Variants in DNAAF9 observed in about 807,000 individuals in gnomAD.
The protein encoded by DNAAF9 is dynein axonemal assembly factor 9, also known as shulin.
DNAAF9 carries 90 observed loss-of-function variants against 167.0 expected under a neutral mutation model. The ratio of observed to expected loss-of-function variants is 0.54; its 90% CI spans 0.45 to 0.64. DNAAF9 has a LOEUF of 0.64. Ranked by LOEUF, DNAAF9 falls within the 30% of genes least tolerant of loss-of-function variation. The probability of loss-of-function intolerance (pLI) is 0.00; values close to 1 mark genes in which losing one functional copy is unlikely to be tolerated. For missense variants in DNAAF9, 1,315 were observed against 1,442.2 expected, an observed-to-expected ratio of 0.91 and a Z score of 1.43; for synonymous variants, 491 against 508.8, an observed-to-expected ratio of 0.96 and a Z score of 0.47.
At position 3,374,063 on chromosome 20, in the gene DNAAF9, A is replaced by G. The variant is rs951194137; in HGVS notation, c.597T>C (p.Phe199=). 1.9e-6 allele frequency: 3 copies of G among 1,608,796 alleles called. No individual in the cohort carries two copies. Among genetic ancestry groups the G allele is most frequent in the Admixed American group, 3.3e-5 (2 of 59,988 alleles). ...TCATACATACCTCATATTTCATGGT[A>G]AAAAATCCATCCCCTCCAATGCCCT... ...ALEGIGGDGF[F]TMKYELQDVS... is the part of the protein sequence containing the mutation. Residue 199 remains phenylalanine, a synonymous_variant, in exon 6 of 37, where the codon TTT becomes TTC. Transcript: ENST00000252032.
intron 9 of DNAAF9, 75 bp downstream of exon 9, chr20:3,343,601 C>A (rs1169793937): frequency 4.4e-6 from 5 of 1,123,954 alleles, no homozygotes; most frequent in Non-Finnish European, 6.7e-6. Flanking sequence ...TTGAATGCAC[C>A]CCCACAGCCA....
In DNAAF9 at chr20:3,318,670, C is replaced by T. The variant is rs76536226; in HGVS notation, c.1357-270G>A. Among the ~76,000 whole-genome samples, 206 of 152,222 alleles carry T rather than the reference C, an allele frequency of 1.4e-3. 3 individuals are homozygous for T. Among genetic ancestry groups the T allele is most frequent in the Non-Finnish European group, 2.5e-3 (173 of 68,004 alleles). ...TGTTTCCGTATATTCCCTCAAATTGCTTTATGCTGACTAGGCACAGTGGCT... is the reference window on the plus strand; with the variant it reads ...TGTTTCCGTATATTCCCTCAAATTGTTTTATGCTGACTAGGCACAGTGGCT... On this transcript the variant is annotated intron_variant, in intron 16 of 36. Coordinates refer to ENST00000252032, the MANE Select transcript of DNAAF9 (RefSeq NM_001009984.3).
At chr20:3,377,864 C>T (rs868462658) in intron 3 of DNAAF9, among the ~76,000 whole-genome samples, 2 of 152,158 alleles carry the variant, frequency 1.3e-5, no homozygotes. Context: ...GGCTTGAACT[C>T]GTTTTTCAAG....
chr20:3,359,684 G>T, intron 6 of DNAAF9, 91 bp from the exon 7 acceptor site: 1 of 863,298 alleles, frequency 1.2e-6, no homozygotes, highest in Non-Finnish European at 1.9e-6. Flanking sequence ...TGACTCTTTT[G>T]GTATAAACTA....
At chr20:3,270,240 T>A (rs994928116) in intron 30 of DNAAF9, among the ~76,000 whole-genome samples, 187 bp downstream of exon 30, 2 of 151,742 alleles carry the variant, frequency 1.3e-5, no homozygotes, top group African/African-American at 4.8e-5. Flanking sequence ...ATTCCTGGAT[T>A]CAAGTGATCC....
At chr20:3,390,045 A>AG (rs2083804966) in intron 1 of DNAAF9, among the ~76,000 whole-genome samples, 1 of 152,122 alleles carries the variant, frequency 6.6e-6, no homozygotes. Flanking sequence ...CAAAAAAAAA[A>AG]AAAAAAGAAA....
intron 1 of DNAAF9, among the ~76,000 whole-genome samples, chr20:3,394,743 T>C (rs1459313257): frequency 2.0e-5 from 3 of 152,130 alleles, no homozygotes; most frequent in African/African-American, 4.8e-5. Context: ...CTGTCGTATA[T>C]AGTTGGATCT....
intron 7 of DNAAF9, 106 bp from the exon 8 acceptor site, chr20:3,348,729 T>C (rs923820848): frequency 6.7e-6 from 4 of 598,338 alleles, no homozygotes; most frequent in Non-Finnish European, 1.1e-5. Flanking sequence ...AGACCATTTA[T>C]ATATGTTATT....
chr20:3,327,464 G>A (rs1448251256), intron 12 of DNAAF9, among the ~76,000 whole-genome samples: 3 of 152,216 alleles, frequency 2.0e-5, no homozygotes, highest in East Asian at 1.9e-4. Flanking sequence ...GGACACTTAC[G>A]AAGAGAAGGG....
intron 30 of DNAAF9, among the ~76,000 whole-genome samples, chr20:3,269,471 G>C (rs1363067364): frequency 6.6e-6 from 1 of 151,920 alleles, no homozygotes. Context: ...CTAAGTGCTG[G>C]GATTACAGGT....
intron 31 of DNAAF9, among the ~76,000 whole-genome samples, chr20:3,261,052 TTTTC>T (rs1206586231): frequency 6.6e-6 from 1 of 151,970 alleles, no homozygotes; most frequent in African/African-American, 2.4e-5. Context: ...CTCTGCTCTA[TTTTC>T]TTTGAGACAG....
At chr20:3,360,474 T>C (rs573124153) in intron 6 of DNAAF9, among the ~76,000 whole-genome samples, 187 of 152,346 alleles carry the variant, frequency 1.2e-3, no homozygotes, top group African/African-American at 4.1e-3. Context: ...TATGACTTTT[T>C]TAGTTTATTA....
chr20:3,252,012 T>A lies in DNAAF9; in HGVS notation c.*560A>T, dbSNP rs2068201363. ...AACCCAAGCTGCTGGCTCTGTGGAC[T>A]GGGCCTGGGCAAGGCTGTGCTGCTC... On this transcript the variant is annotated 3_prime_UTR_variant, in exon 37 of 37. Coordinates refer to ENST00000252032, the MANE Select transcript of DNAAF9 (RefSeq NM_001009984.3). The A allele has an allele frequency of 6.5e-6, 1 of 153,052 alleles. No homozygotes were observed. The highest frequency in any genetic ancestry group is 6.5e-5 in the Admixed American group (1 of 15,328). The allele number at this position is 153,052 out of a possible 1,614,324, so 9.5% of individuals were successfully genotyped here.
chr20:3,262,308 TGGTGCGATCTTGGCTTGC>T (rs1260765264), intron 31 of DNAAF9, among the ~76,000 whole-genome samples: 1 of 150,630 alleles, frequency 6.6e-6, no homozygotes. Flanking sequence ...TGGAGTGCAG[TGGTGCGATCTTGGCTTGC>T]TGCAAGCTTC....
intron 6 of DNAAF9, among the ~76,000 whole-genome samples, chr20:3,366,192 C>T (rs1359320440): frequency 2.6e-5 from 4 of 152,060 alleles, no homozygotes; most frequent in Non-Finnish European, 5.9e-5. Flanking sequence ...GAATCTATTG[C>T]CTAACAAAAT....
chr20:3,294,312 C>T lies in DNAAF9; in HGVS notation c.2121-56G>A, dbSNP rs2122934455. ...ACCATCCTAGCCTGTCCTGAAGGTGCCTACTCACATGAAAAAGTTTTTACT... is the reference window on the plus strand; with the variant it reads ...ACCATCCTAGCCTGTCCTGAAGGTGTCTACTCACATGAAAAAGTTTTTACT... On this transcript the variant is annotated intron_variant, in intron 24 of 36. Transcript: ENST00000252032. 7 of 1,166,624 alleles carry T rather than the reference C, an allele frequency of 6.0e-6. 1 individual carries two copies. The South Asian group carries it at 6.5e-5, about 11-fold the overall frequency. The allele number at this position is 1,166,624 out of a possible 1,614,324, so 72.3% of individuals were successfully genotyped here.
intron 10 of DNAAF9, among the ~76,000 whole-genome samples, chr20:3,338,295 C>T (rs1256567166): frequency 6.6e-6 from 1 of 152,034 alleles, no homozygotes; most frequent in East Asian, 1.9e-4. Flanking sequence ...TATCATTTCA[C>T]TCTTTTCTTG....
At chr20:3,367,673 A>T (rs1040640963) in intron 6 of DNAAF9, among the ~76,000 whole-genome samples, 4 of 152,210 alleles carry the variant, frequency 2.6e-5, no homozygotes, top group Non-Finnish European at 5.9e-5. Flanking sequence ...GAACACACAC[A>T]TCATTTAAGT....
rs1380233073 is a variant in DNAAF9 at position 3,376,286 on chromosome 20, A to T, written c.300T>A (p.Ile100=). The T allele has an allele frequency of 6.2e-7, 1 of 1,608,942 alleles. No individual in the cohort carries two copies. Among genetic ancestry groups the T allele is most frequent in the Admixed American group, 1.7e-5 (1 of 59,214 alleles). Residue 100 remains isoleucine, a synonymous_variant, in exon 4 of 37, where the codon ATT becomes ATA. Transcript: ENST00000252032. ...EEVLDDVIIL[I]KSDSVHLYCN... ...AGTACAGATGGACGCTATCCGATTT[A>T]ATCAATATAATTACATCTGTAAGAA... is the stretch of plus-strand genomic sequence containing the variant.
Sources: gnomAD v4.1 joint callset for allele counts (sites outside exome capture counted in the v4.1 genomes callset) on GRCh38, gnomAD v4.1.1 for gene constraint, MANE v1.5 for transcripts, NCBI Gene and HGNC (gene_info 2026-07-23, HGNC 2026-07-21) for gene names.